CROT: variants seen among roughly 807,000 people sequenced by gnomAD.
The protein encoded by CROT is carnitine O-octanoyltransferase, also known as peroxisomal carnitine O-octanoyltransferase.
CROT carries 84 observed loss-of-function variants against 89.2 expected under a neutral mutation model. The ratio of observed to expected loss-of-function variants is 0.94; its 90% CI spans 0.79 to 1.13. The LOEUF is 1.13. CROT is among the 50% of genes most tolerant of loss of function. The pLI is 0.00. For synonymous variants in CROT, 212 were observed against 239.5 expected, an observed-to-expected ratio of 0.89 and a Z score of 1.06; for missense variants, 711 against 727.8, an observed-to-expected ratio of 0.98 and a Z score of 0.27.
At chr7:87,385,074 A>C (rs957365623) in intron 13 of CROT, among the ~76,000 whole-genome samples, 1 of 149,468 alleles carries the variant, frequency 6.7e-6, no homozygotes, top group Admixed American at 6.7e-5. Context: ...TGCCAGTAAC[A>C]TGCTGTTTTG....
Position 87,392,800 on chromosome 7 carries a change from T to G in CROT, c.1575T>G (p.Phe525Leu). 1 of 1,613,740 alleles carries G rather than the reference T, an allele frequency of 6.2e-7. No individual in the cohort carries two copies. Among genetic ancestry groups the G allele is most frequent in the Non-Finnish European group, 8.5e-7 (1 of 1,179,774 alleles). The change falls in exon 16 of 18, where the codon TTT (phenylalanine) becomes TTG (leucine). Residue 525 changes from phenylalanine to leucine, a missense_variant. Coordinates refer to ENST00000331536, the MANE Select transcript of CROT (RefSeq NM_021151.4). ...AAGGTCTTCCTGTTCCAGAACTCTT[T>G]ACGGACCCACTTTTTTCCAAAAGGT... ...KEEGLPVPELFTDPLFSKSGG... is the reference protein window; with the variant it reads ...KEEGLPVPELLTDPLFSKSGG...
Position 87,377,403 on chromosome 7 carries a change from T to G in CROT, c.931T>G (p.Tyr311Asp), listed in dbSNP as rs1424305978. The G allele has an allele frequency of 1.9e-6, 3 of 1,611,544 alleles. No individual in the cohort carries two copies. Among genetic ancestry groups the G allele is most frequent in the Non-Finnish European group, 2.5e-6 (3 of 1,178,182 alleles). Residue 311 changes from tyrosine to aspartate, a missense_variant, in exon 10 of 18, where the codon TAT (tyrosine) becomes GAT (aspartate). Transcript: ENST00000331536. ...DPTVRWGDKS[Y>D]NLISFSNGVF... ...AACAGTACGCTGGGGTGACAAATCC[T>G]ATAACTTGATTTCCTTTTCTAATGG...
At chr7:87,362,366 A>T (rs1319662636) in intron 6 of CROT, among the ~76,000 whole-genome samples, 2 of 144,060 alleles carry the variant, frequency 1.4e-5, no homozygotes, top group African/African-American at 5.2e-5. Flanking sequence ...TTGCGACCTC[A>T]GCTCACTGCA....
rs1806277314 is a variant in CROT, at chr7:87,361,630, T to C, written c.422+59T>C. ...CCTGAAGTCTCAGGTAGCAAAATGT[T>C]GAGAAGCTTAATTTACTTATTTGGG... On this transcript the variant is annotated intron_variant, in intron 5 of 17. Coordinates refer to ENST00000331536, the MANE Select transcript of CROT (RefSeq NM_021151.4). The C allele has an allele frequency of 3.3e-6, 5 of 1,535,090 alleles. No individual in the cohort carries two copies. In the South Asian group the frequency reaches 6.3e-5, roughly 19 times the overall value.
At position 87,382,492 on chromosome 7, in the gene CROT, A is replaced by T; in HGVS notation, c.1250A>T (p.Asp417Val). 6.2e-7 allele frequency: 1 copy of T among 1,613,900 alleles called. No individual in the cohort carries two copies. The highest frequency in any genetic ancestry group is 8.5e-7 in the Non-Finnish European group (1 of 1,179,862). The change falls in exon 13 of 18, where the codon GAT becomes GTT. Residue 417 changes from aspartate (D) to valine (V), a missense_variant. Transcript: ENST00000331536. Reference sequence around the variant, plus strand: ...ACCAAGAACAAGATGCTTCACCCGGATACGTTTATTCAGCTTGCACTTCAG... The same window carrying T: ...ACCAAGAACAAGATGCTTCACCCGGTTACGTTTATTCAGCTTGCACTTCAG... ...KLTKNKMLHPDTFIQLALQLA... is the reference protein window; with the variant it reads ...KLTKNKMLHPVTFIQLALQLA...
chr7:87,378,857 T>C (rs1357402136), intron 10 of CROT, among the ~76,000 whole-genome samples: 1 of 152,194 alleles, frequency 6.6e-6, no homozygotes, highest in African/African-American at 2.4e-5. Flanking sequence ...GTAAAGTAGC[T>C]GTTATTTCAG....
intron 13 of CROT, 130 bp from the exon 14 acceptor site, chr7:87,391,459 A>G: frequency 1.2e-6 from 1 of 818,158 alleles, no homozygotes; most frequent in Non-Finnish European, 1.8e-6. Context: ...TTTTTTGTTG[A>G]AAGTCTCCAA....
intron 3 of CROT, among the ~76,000 whole-genome samples, chr7:87,355,042 C>T (rs1231224526): frequency 6.6e-6 from 1 of 152,060 alleles, no homozygotes; most frequent in Non-Finnish European, 1.5e-5. Flanking sequence ...ATTTACCATA[C>T]AAGATACTTT....
rs111890302 is a variant in CROT at position 87,355,723 on chromosome 7, GA to G, written c.116-3482del. On this transcript the variant is annotated intron_variant, in intron 3 of 17. Transcript: ENST00000331536. ...AGTAGGTACTGACAAATACAACTCT[GA>G]GACTCAAATAGGTTATCCAACTCTG... Among the ~76,000 whole-genome samples, 1,120 of 152,214 alleles carry G rather than the reference GA, an allele frequency of 7.4e-3. 13 individuals are homozygous for G. Among genetic ancestry groups the G allele is most frequent in the African/African-American group, 0.025 (1,052 of 41,528 alleles).
At chr7:87,394,816 C>T (rs1431610483) in intron 17 of CROT, among the ~76,000 whole-genome samples, 1 of 151,954 alleles carries the variant, frequency 6.6e-6, no homozygotes, top group Non-Finnish European at 1.5e-5. Context: ...GAATTTAATG[C>T]CAGCAAAGGA....
chr7:87,369,559 G>T, intron 7 of CROT, 75 bp downstream of exon 7: 1 of 825,728 alleles, frequency 1.2e-6, no homozygotes, highest in Non-Finnish European at 1.8e-6. Flanking sequence ...GTTTAGAATT[G>T]CCTTTCAAGG....
At chr7:87,382,940 TAAG>T (rs1807068890) in intron 13 of CROT, among the ~76,000 whole-genome samples, 1 of 152,218 alleles carries the variant, frequency 6.6e-6, no homozygotes, top group Admixed American at 6.5e-5. Context: ...TAATACATCC[TAAG>T]AAGAAGTAGA....
chr7:87,399,487 AAG>A lies in CROT; in HGVS notation c.*847_*848del, dbSNP rs1375152421. 1 of 152,224 alleles carries A rather than the reference AAG, an allele frequency of 6.6e-6. No individual in the cohort carries two copies. Among genetic ancestry groups the A allele is most frequent in the Non-Finnish European group, 1.5e-5 (1 of 68,058 alleles). 9.4% of individuals were successfully genotyped at this position (152,224 alleles called of 1,614,324 possible). On this transcript the variant is annotated 3_prime_UTR_variant, in exon 18 of 18. Coordinates refer to ENST00000331536, the MANE Select transcript of CROT (RefSeq NM_021151.4). ...GAGACCCTGTCTCAAAGAAGAAAAA[AAG>A]AGAAAAATAACTCTTTTGAACAAAC...
At chr7:87,397,231 G>T (rs1807559206) in intron 17 of CROT, among the ~76,000 whole-genome samples, 2 of 151,898 alleles carry the variant, frequency 1.3e-5, no homozygotes, top group African/African-American at 4.8e-5. Context: ...CACACCTGTA[G>T]TCTGAGTTAC....
At chr7:87,351,131 AC>A (rs1805853269) in intron 3 of CROT, among the ~76,000 whole-genome samples, 1 of 151,616 alleles carries the variant, frequency 6.6e-6, no homozygotes, top group Middle Eastern at 3.4e-3. Flanking sequence ...ACACGGTGAA[AC>A]CCCGTCTCTA....
In CROT at chr7:87,361,430, G is replaced by C; in HGVS notation, c.281G>C (p.Arg94Pro). ...CTGAATGTTGCCTATCTGGATGTTCGTATACCATCACAATTGAATGTCAAC... is the reference window on the plus strand; with the variant it reads ...CTGAATGTTGCCTATCTGGATGTTCCTATACCATCACAATTGAATGTCAAC... The part of the protein sequence containing the change: ...WWLNVAYLDV[R>P]IPSQLNVNFA... Residue 94 changes from arginine to proline, a missense_variant, in exon 5 of 18, where the codon CGT becomes CCT. Physicochemically the swap from Arg to Pro is moderately radical, Grantham distance 103. Transcript: ENST00000331536. 1 of 1,613,822 alleles carries C rather than the reference G, an allele frequency of 6.2e-7. No homozygotes were observed.
chr7:87,399,709 A>G lies in CROT; in HGVS notation c.*1065A>G, dbSNP rs1807695707. On this transcript the variant is annotated 3_prime_UTR_variant, in exon 18 of 18. Coordinates refer to ENST00000331536, the MANE Select transcript of CROT (RefSeq NM_021151.4). Reference sequence around the variant, plus strand: ...AGAATTTTTTCCTCCTCGCTGTTCAATTTTGTAGTTTTTACTCTCAAAAAA... The same window carrying G: ...AGAATTTTTTCCTCCTCGCTGTTCAGTTTTGTAGTTTTTACTCTCAAAAAA... The G allele has an allele frequency of 6.6e-6, 1 of 152,128 alleles. No individual in the cohort carries two copies. Among genetic ancestry groups the G allele is most frequent in the Non-Finnish European group, 1.5e-5 (1 of 68,018 alleles). 9.4% of individuals were successfully genotyped at this position (152,128 alleles called of 1,614,324 possible).
chr7:87,373,351 C>A (rs1330129369), intron 7 of CROT, among the ~76,000 whole-genome samples: 1 of 151,958 alleles, frequency 6.6e-6, no homozygotes, highest in Non-Finnish European at 1.5e-5. Flanking sequence ...ATATAATTTG[C>A]AAATTATATC....
intron 9 of CROT, among the ~76,000 whole-genome samples, chr7:87,376,510 T>C (rs897570406): frequency 1.3e-5 from 2 of 152,092 alleles, no homozygotes; most frequent in African/African-American, 4.8e-5. Context: ...TAATAAAAGA[T>C]AGTAATTGTA....
Sources: allele counts gnomAD v4.1 joint callset (sites outside exome capture counted in the v4.1 genomes callset), GRCh38; gene constraint gnomAD v4.1.1; transcripts MANE v1.5; gene names NCBI Gene and HGNC (gene_info 2026-07-23, HGNC 2026-07-21).